Variants in CNTNAP5 observed in about 807,000 individuals in gnomAD.
CNTNAP5 encodes the protein contactin associated protein family member 5.
In CNTNAP5, 72 loss-of-function variants were observed where a neutral mutation model predicts 150.2. The ratio of observed to expected loss-of-function variants is 0.48; its 90% CI spans 0.40 to 0.58. The LOEUF (loss-of-function observed/expected upper bound fraction) is 0.58. Among genes scored for constraint, CNTNAP5 ranks in the 20% least tolerant of loss-of-function variants. The pLI is 0.00. For missense variants in CNTNAP5, 1,636 were observed against 1,626.2 expected, an observed-to-expected ratio of 1.01 and a Z score of -0.10; for synonymous variants, 672 against 619.8, an observed-to-expected ratio of 1.08 and a Z score of -1.25.
intron 15 of CNTNAP5, 46 bp from the exon 16 acceptor site, chr2:124,763,931 C>G: frequency 6.3e-7 from 1 of 1,599,610 alleles, no homozygotes; most frequent in Non-Finnish European, 8.5e-7. Flanking sequence ...TTTCCCATAC[C>G]CCACTGAAAA....
At chr2:124,118,062 C>T (rs888892487) in intron 1 of CNTNAP5, among the ~76,000 whole-genome samples, 7 of 152,056 alleles carry the variant, frequency 4.6e-5, no homozygotes, top group African/African-American at 1.7e-4. Context: ...GCTTGCAAAC[C>T]ATTGGTCTAG....
chr2:124,871,463 C>T (rs898275900), intron 21 of CNTNAP5, among the ~76,000 whole-genome samples: 1 of 152,106 alleles, frequency 6.6e-6, no homozygotes, highest in Non-Finnish European at 1.5e-5. Flanking sequence ...CTCTCCCCAA[C>T]TCTGCATCCT....
In CNTNAP5 at chr2:124,903,062, C is replaced by T. The variant is rs1310734878; in HGVS notation, c.3617C>T (p.Ser1206Leu). 1 of 1,599,722 alleles carries T rather than the reference C, an allele frequency of 6.3e-7. No homozygotes were observed. Among genetic ancestry groups the T allele is most frequent in the South Asian group, 1.1e-5 (1 of 88,836 alleles). The change falls in exon 22 of 24, where the codon TCA (serine) becomes TTA (leucine). Residue 1206 changes from serine (S) to leucine (L), a missense_variant. Ser to Leu is a moderately radical substitution (Grantham distance 145). Coordinates refer to ENST00000682447, the MANE Select transcript of CNTNAP5 (RefSeq NM_001367498.1). ...TCCAGCTGTGGCTTCATGGTGGACTCAGATGTGAATGCAGTGACCACGGTG... is the reference window on the plus strand; with the variant it reads ...TCCAGCTGTGGCTTCATGGTGGACTTAGATGTGAATGCAGTGACCACGGTG... Reference protein sequence around the residue: ...TESSCGFMVDSDVNAVTTVHS... With the variant: ...TESSCGFMVDLDVNAVTTVHS...
At chr2:124,868,148 C>A (rs1411039880) in intron 20 of CNTNAP5, among the ~76,000 whole-genome samples, 1 of 152,158 alleles carries the variant, frequency 6.6e-6, no homozygotes, top group African/African-American at 2.4e-5. Flanking sequence ...TCTTTAGGTT[C>A]CCTGGCTGTC....
intron 3 of CNTNAP5, among the ~76,000 whole-genome samples, chr2:124,260,694 A>G (rs927672857): frequency 2.6e-5 from 4 of 152,220 alleles, no homozygotes; most frequent in Non-Finnish European, 5.9e-5. Flanking sequence ...ATAGCTTAAT[A>G]TGCATCATAA....
chr2:124,786,260 C>T (rs1681566578), intron 17 of CNTNAP5, among the ~76,000 whole-genome samples: 1 of 145,114 alleles, frequency 6.9e-6, no homozygotes, highest in African/African-American at 2.6e-5. Context: ...ATGACTCTGT[C>T]TCAAAAATAA....
intron 16 of CNTNAP5, among the ~76,000 whole-genome samples, chr2:124,768,488 C>T (rs1670284822): frequency 6.6e-6 from 1 of 152,070 alleles, no homozygotes; most frequent in African/African-American, 2.4e-5. Context: ...CTAATAATTA[C>T]ACTTTTGTTG....
chr2:124,215,712 C>CAAAAAAAAAAAAAAA (rs397985759), intron 1 of CNTNAP5, among the ~76,000 whole-genome samples: 3 of 82,054 alleles, frequency 3.7e-5, no homozygotes, highest in Non-Finnish European at 7.4e-5. Context: ...AGAAGAAAGG[C>CAAAAAAAAAAAAAAA]AAAAAAAAAA....
At chr2:124,481,456 T>C (rs1573403142) in intron 7 of CNTNAP5, among the ~76,000 whole-genome samples, 1 of 152,240 alleles carries the variant, frequency 6.6e-6, no homozygotes, top group African/African-American at 2.4e-5. Context: ...GATAAAATTA[T>C]TATGTAAAGT....
intron 3 of CNTNAP5, among the ~76,000 whole-genome samples, chr2:124,388,411 A>G (rs114792099): frequency 0.053 from 8,058 of 152,266 alleles, 247 homozygotes; most frequent in Non-Finnish European, 0.069. Flanking sequence ...GGGATCTCTG[A>G]GTGCAGCCCA....
At chr2:124,502,977 ATTG>A (rs1694311886) in intron 7 of CNTNAP5, among the ~76,000 whole-genome samples, 1 of 152,280 alleles carries the variant, frequency 6.6e-6, no homozygotes, top group Non-Finnish European at 1.5e-5. Context: ...ACATTACGGC[ATTG>A]TTGTGCAGAA....
At chr2:124,372,002 C>T (rs1315232217) in intron 3 of CNTNAP5, among the ~76,000 whole-genome samples, 2 of 151,916 alleles carry the variant, frequency 1.3e-5, no homozygotes, top group Admixed American at 6.6e-5. Context: ...AGGAGATTGA[C>T]ATGTGTGAGT....
At chr2:124,324,560 G>A (rs1392973923) in intron 3 of CNTNAP5, among the ~76,000 whole-genome samples, 6 of 152,126 alleles carry the variant, frequency 3.9e-5, no homozygotes, top group African/African-American at 1.2e-4. Flanking sequence ...TTGGAGGGAC[G>A]GGTAAAAAGT....
intron 3 of CNTNAP5, among the ~76,000 whole-genome samples, chr2:124,371,398 G>A (rs772657350): frequency 2.6e-5 from 4 of 152,084 alleles, no homozygotes; most frequent in Admixed American, 6.6e-5. Flanking sequence ...ATACGATATG[G>A]TAGATTTTCT....
chr2:124,388,372 C>T (rs1011083864), intron 3 of CNTNAP5, among the ~76,000 whole-genome samples: 1 of 152,180 alleles, frequency 6.6e-6, no homozygotes, highest in Non-Finnish European at 1.5e-5. Context: ...GCTGATGCCA[C>T]TCCAGAAAGG....
At chr2:124,834,418 A>G (rs1682785779) in intron 19 of CNTNAP5, among the ~76,000 whole-genome samples, 1 of 152,200 alleles carries the variant, frequency 6.6e-6, no homozygotes, top group Non-Finnish European at 1.5e-5. Context: ...CTGAGCACAA[A>G]TACCCAGGGA....
chr2:124,286,205 A>G (rs1688145576), intron 3 of CNTNAP5, among the ~76,000 whole-genome samples: 1 of 152,186 alleles, frequency 6.6e-6, no homozygotes, highest in African/African-American at 2.4e-5. Flanking sequence ...CTGGGACTCA[A>G]TTCGAATCTG....
intron 1 of CNTNAP5, among the ~76,000 whole-genome samples, chr2:124,097,047 C>T (rs1682955133): frequency 6.6e-6 from 1 of 152,156 alleles, no homozygotes; most frequent in African/African-American, 2.4e-5. Context: ...ACTGGACCAT[C>T]TACTCATCTG....
At chr2:124,857,085 G>A (rs1178084669) in intron 19 of CNTNAP5, among the ~76,000 whole-genome samples, 2 of 152,082 alleles carry the variant, frequency 1.3e-5, no homozygotes, top group Admixed American at 6.6e-5. Context: ...GTATTCCTTG[G>A]AGACCAAGGC....
Sources: gnomAD v4.1 joint callset for allele counts (sites outside exome capture counted in the v4.1 genomes callset) on GRCh38, gnomAD v4.1.1 for gene constraint, MANE v1.5 for transcripts, NCBI Gene and HGNC (gene_info 2026-07-23, HGNC 2026-07-21) for gene names.